The following MEGF10 variants were observed in gnomAD, a reference collection of about 807,000 sequenced individuals.
The protein encoded by MEGF10 is multiple EGF like domains 10.
Under a neutral mutation model 147.5 loss-of-function variants are expected in MEGF10, and 86 were observed. The observed-to-expected ratio is 0.58, with a 90% confidence interval of 0.49 to 0.70. The LOEUF is 0.70. Among genes scored for constraint, MEGF10 ranks in the 30% least tolerant of loss-of-function variants. MEGF10 has a pLI of 0.00. For synonymous variants in MEGF10, 478 were observed against 525.5 expected (o/e 0.91, Z 1.24); for missense variants, 1,329 against 1,487.3 (o/e 0.89, Z 1.75).
chr5:127,355,632 T>C (rs933442116), intron 4 of MEGF10, among the ~76,000 whole-genome samples: 1 of 152,204 alleles, frequency 6.6e-6, no homozygotes. Context: ...TATCGGAACC[T>C]AAACTTCTGC....
intron 1 of MEGF10, among the ~76,000 whole-genome samples, chr5:127,317,456 C>T (rs1036470423): frequency 6.6e-6 from 1 of 152,122 alleles, no homozygotes; most frequent in Non-Finnish European, 1.5e-5. Context: ...GGTTTTAGGT[C>T]TAACATTTAA....
chr5:127,454,714 T>G (rs374794505), intron 23 of MEGF10, 104 bp downstream of exon 23: 4 of 1,018,682 alleles, frequency 3.9e-6, no homozygotes, highest in East Asian at 2.5e-5. Context: ...AGAGAAAATG[T>G]AGAATTTTTA....
chr5:127,421,863 AT>A (rs1157923160), intron 12 of MEGF10, among the ~76,000 whole-genome samples: 3 of 149,402 alleles, frequency 2.0e-5, no homozygotes, highest in African/African-American at 4.9e-5. Flanking sequence ...TAAATTATAA[AT>A]TTTTTTATAT....
intron 22 of MEGF10, 91 bp from the exon 23 acceptor site, chr5:127,454,475 G>T: frequency 8.8e-7 from 1 of 1,137,328 alleles, no homozygotes; most frequent in Non-Finnish European, 1.3e-6. Context: ...TTGCTGCAGT[G>T]GGAGATCCTC....
intron 1 of MEGF10, among the ~76,000 whole-genome samples, chr5:127,297,348 A>C (rs1759548303): frequency 6.6e-6 from 1 of 152,206 alleles, no homozygotes; most frequent in African/African-American, 2.4e-5. Flanking sequence ...CCTTCGAGGA[A>C]AAAACAGACT....
At chr5:127,285,884 A>C (rs887329201), upstream of MEGF10, among the ~76,000 whole-genome samples, 3 of 152,168 alleles carry the variant, frequency 2.0e-5, no homozygotes, top group Admixed American at 2.0e-4. Flanking sequence ...AGCACTATTC[A>C]TAATAGCAAA....
chr5:127,238,351 T>G, the MEGF10 span, among the ~76,000 whole-genome samples: 2 of 152,150 alleles, frequency 1.3e-5, no homozygotes, highest in Non-Finnish European at 2.9e-5. Flanking sequence ...CCACCATGCC[T>G]GGCCTCAGAC....
rs1580893029 is a variant in MEGF10 at position 127,455,266 on chromosome 5, T to A, written c.3026-135T>A. The A allele has an allele frequency of 1.5e-5, 12 of 801,066 alleles. No homozygotes were observed. In the East Asian group the frequency reaches 2.9e-4, roughly 20 times the overall value. The allele number at this position is 801,066 out of a possible 1,614,324, so 49.6% of individuals were successfully genotyped here. On this transcript the variant is annotated intron_variant, in intron 23 of 24. Transcript: ENST00000503335. Reference sequence around the variant, plus strand: ...TATAGCAGATTCTCTCCAAAACAAGTGGAAAAGGTACAGTATTATTTTCAG... The same window carrying A: ...TATAGCAGATTCTCTCCAAAACAAGAGGAAAAGGTACAGTATTATTTTCAG...
At chr5:127,384,696 G>A (rs1561609776) in intron 5 of MEGF10, among the ~76,000 whole-genome samples, 1 of 152,204 alleles carries the variant, frequency 6.6e-6, no homozygotes, top group Non-Finnish European at 1.5e-5. Context: ...AATATAAACA[G>A]CACTGGGTGG....
intron 1 of MEGF10, among the ~76,000 whole-genome samples, chr5:127,297,455 A>T (rs1452005683): frequency 6.6e-6 from 1 of 152,118 alleles, no homozygotes; most frequent in Non-Finnish European, 1.5e-5. Flanking sequence ...AAAAAACAAC[A>T]ACTGAGCAGG....
At chr5:127,328,168 C>G (rs192057611) in intron 1 of MEGF10, among the ~76,000 whole-genome samples, 2 of 152,286 alleles carry the variant, frequency 1.3e-5, no homozygotes, top group East Asian at 1.9e-4. Context: ...GATGTCTTCT[C>G]TCCTCATCGT....
At chr5:127,260,396 T>G in the MEGF10 span, among the ~76,000 whole-genome samples, 1 of 152,166 alleles carries the variant, frequency 6.6e-6, no homozygotes, top group African/African-American at 2.4e-5. Flanking sequence ...CTTTTATATC[T>G]GGTTGGTTTC....
chr5:127,412,030 T>C (rs887395071), intron 9 of MEGF10, among the ~76,000 whole-genome samples: 2 of 152,210 alleles, frequency 1.3e-5, no homozygotes, highest in African/African-American at 2.4e-5. Flanking sequence ...TTGGATACCA[T>C]ATTAGTAGTG....
intron 1 of MEGF10, among the ~76,000 whole-genome samples, chr5:127,291,866 C>A (rs1032777619): frequency 6.6e-6 from 1 of 152,156 alleles, no homozygotes; most frequent in Admixed American, 6.5e-5. Flanking sequence ...AATATCCTCA[C>A]GCAAGGACCC....
intron 8 of MEGF10, among the ~76,000 whole-genome samples, chr5:127,403,377 A>C (rs554083711): frequency 6.6e-6 from 1 of 152,284 alleles, no homozygotes; most frequent in African/African-American, 2.4e-5. Flanking sequence ...TGCAATGTGA[A>C]CTAAGCACAT....
intron 5 of MEGF10, among the ~76,000 whole-genome samples, chr5:127,391,102 G>GCGCGCGCGCACA (rs1426600414): frequency 3.7e-5 from 2 of 53,894 alleles, no homozygotes; most frequent in Admixed American, 1.8e-4. Context: ...GCGCGCGCGC[G>GCGCGCGCGCACA]CACACACACA....
At chr5:127,453,642 A>G (rs1489025771) in intron 22 of MEGF10, among the ~76,000 whole-genome samples, 3 of 152,228 alleles carry the variant, frequency 2.0e-5, no homozygotes, top group East Asian at 3.8e-4. Context: ...AAGTTATAAC[A>G]TGTAATTCCT....
At chr5:127,289,167 A>G (rs1262333470), upstream of MEGF10, among the ~76,000 whole-genome samples, 5 of 152,204 alleles carry the variant, frequency 3.3e-5, no homozygotes. Flanking sequence ...GGGTGTGTAC[A>G]TTATTCAAAA....
chr5:127,238,911 A>G, the MEGF10 span, among the ~76,000 whole-genome samples: 4 of 151,444 alleles, frequency 2.6e-5, no homozygotes, highest in Non-Finnish European at 4.4e-5. Context: ...TATGAACTCA[A>G]TAGGTTAGAA....
Sources: allele counts gnomAD v4.1 joint callset (sites outside exome capture counted in the v4.1 genomes callset), GRCh38; gene constraint gnomAD v4.1.1; transcripts MANE v1.5; gene names NCBI Gene and HGNC (gene_info 2026-07-23, HGNC 2026-07-21).